The following ARHGEF18 variants were observed in gnomAD, a reference collection of about 807,000 sequenced individuals.
ARHGEF18 encodes Rho/Rac guanine nucleotide exchange factor 18.
Under a neutral mutation model 155.7 loss-of-function variants are expected in ARHGEF18, and 93 were observed. The ratio of observed to expected loss-of-function variants is 0.60; its 90% CI spans 0.50 to 0.71. The LOEUF (loss-of-function observed/expected upper bound fraction) is 0.71. Among genes scored for constraint, ARHGEF18 ranks in the 30% least tolerant of loss-of-function variants. ARHGEF18 has a pLI of 0.00. For synonymous variants in ARHGEF18, 742 were observed against 753.1 expected (o/e 0.99, Z 0.24); for missense variants, 1,593 against 1,816.1 (o/e 0.88, Z 2.23).
rs1251869944 is a variant in ARHGEF18, at chr19:7,468,832, C to T, written c.3488C>T (p.Pro1163Leu). ...LPPDTLAEAQPPSHPPSFNGE... is the reference protein window; with the variant it reads ...LPPDTLAEAQLPSHPPSFNGE... ...CTGCTGTTGTCCCCTCAGGCCCAGC[C>T]CCCAAGCCACCCTCCCAGCTTCAAC... is the stretch of plus-strand genomic sequence containing the variant. Residue 1163 changes from proline (P) to leucine (L), a missense_variant, in exon 27 of 29, where the codon CCC (proline) becomes CTC (leucine). Transcript: ENST00000668164. 6.4e-7 allele frequency: 1 copy of T among 1,554,918 alleles called. No homozygotes were observed. The highest frequency in any genetic ancestry group is 8.7e-7 in the Non-Finnish European group (1 of 1,146,104).
At chr19:7,363,702 TGGAA>T (rs1040110474) in intron 2 of ARHGEF18, among the ~76,000 whole-genome samples, 8 of 141,744 alleles carry the variant, frequency 5.6e-5, no homozygotes, top group Non-Finnish European at 9.3e-5. Context: ...GAAATGTGAG[TGGAA>T]GGAAGGAAGG....
intron 18 of ARHGEF18, among the ~76,000 whole-genome samples, chr19:7,458,162 C>G (rs1391792498): frequency 6.6e-6 from 1 of 151,796 alleles, no homozygotes; most frequent in Non-Finnish European, 1.5e-5. Context: ...CGGCACGTGC[C>G]TATAATCCCA....
At chr19:7,385,981 C>CCTCTCTCT (rs375525387) in intron 10 of ARHGEF18, among the ~76,000 whole-genome samples, 5 of 74,378 alleles carry the variant, frequency 6.7e-5, no homozygotes, top group East Asian at 4.0e-4. Context: ...TCCCTCTCTC[C>CCTCTCTCT]CTCTCTCTCT....
At position 7,461,925 on chromosome 19, in the gene ARHGEF18, C is replaced by T. The variant is rs981349510; in HGVS notation, c.2453-227C>T. ...CCTTGGCTTCCCTAAGTACTGGGAT[C>T]GCAGGCCTGAGCCACCACAGCTAAC... is the stretch of plus-strand genomic sequence containing the variant. On this transcript the variant is annotated intron_variant, in intron 20 of 28. Coordinates refer to ENST00000668164, the MANE Select transcript of ARHGEF18 (RefSeq NM_001367823.1). 3.3e-5 allele frequency among the ~76,000 whole-genome samples: 5 copies of T among 152,098 alleles called. No individual in the cohort carries two copies. The South Asian group carries it at 6.2e-4, about 19-fold the overall frequency.
At chr19:7,396,947 G>A (rs953121408) in intron 10 of ARHGEF18, among the ~76,000 whole-genome samples, 7 of 151,922 alleles carry the variant, frequency 4.6e-5, no homozygotes, top group African/African-American at 1.7e-4. Context: ...CTTTGCATAT[G>A]CGAATGCTCC....
At chr19:7,407,265 A>C (rs1972373572) in intron 10 of ARHGEF18, among the ~76,000 whole-genome samples, 1 of 150,118 alleles carries the variant, frequency 6.7e-6, no homozygotes, top group African/African-American at 2.5e-5. Flanking sequence ...GTCTCTACTA[A>C]AAATGCAAAA....
chr19:7,429,113 C>T (rs73502886), intron 10 of ARHGEF18, among the ~76,000 whole-genome samples: 3 of 107,188 alleles, frequency 2.8e-5, no homozygotes, highest in Non-Finnish European at 3.8e-5. Context: ...GTCGAGGGGC[C>T]GGGGGCTCTG....
intron 10 of ARHGEF18, among the ~76,000 whole-genome samples, chr19:7,409,327 T>TTAA (rs562885176): frequency 2.7e-4 from 31 of 114,680 alleles, no homozygotes; most frequent in African/African-American, 1.0e-3. Flanking sequence ...CCCTGTTTCT[T>TTAA]AAAAAAAAAA....
chr19:7,395,983 C>G lies in ARHGEF18; in HGVS notation c.967+12780C>G, dbSNP rs1383299133. 6.6e-6 allele frequency among the ~76,000 whole-genome samples: 1 copy of G among 152,066 alleles called. No homozygotes were observed. The highest frequency in any genetic ancestry group is 2.4e-5 in the African/African-American group (1 of 41,404). On this transcript the variant is annotated intron_variant, in intron 10 of 28. Coordinates refer to ENST00000668164, the MANE Select transcript of ARHGEF18 (RefSeq NM_001367823.1). This position sits in a 1 kb window ranked among gnomAD's most constrained non-coding sequence, Gnocchi z 5.0. Reference sequence around the variant, plus strand: ...CATAGTACTCAATAGATAGTTTCAACCCTTGACCTCCTCCTTCCCTTCCCG... The same window carrying G: ...CATAGTACTCAATAGATAGTTTCAAGCCTTGACCTCCTCCTTCCCTTCCCG...
chr19:7,391,282 C>CG (rs1416884774), intron 10 of ARHGEF18, among the ~76,000 whole-genome samples: 3 of 151,976 alleles, frequency 2.0e-5, no homozygotes, highest in Non-Finnish European at 4.4e-5. Flanking sequence ...GTGGGACAGA[C>CG]GGAGGAAACA....
chr19:7,441,084 C>T (rs1008030937), intron 11 of ARHGEF18, among the ~76,000 whole-genome samples: 2 of 152,012 alleles, frequency 1.3e-5, no homozygotes, highest in African/African-American at 4.8e-5. Context: ...CTGCAATCCA[C>T]ACCCCGTTAG....
At position 7,444,184 on chromosome 19, in the gene ARHGEF18, T is replaced by C; in HGVS notation, c.1361-20T>C. 6.2e-7 allele frequency: 1 copy of C among 1,607,452 alleles called. No individual in the cohort carries two copies. Among genetic ancestry groups the C allele is most frequent in the Non-Finnish European group, 8.5e-7 (1 of 1,175,582 alleles). ...CCGTGGAGCCAGCATGGCTAAGTCC[T>C]GCCGTCTGTGTCCCTGCAGAGCTGA... On this transcript the variant is annotated intron_variant, in intron 13 of 28. Coordinates refer to ENST00000668164, the MANE Select transcript of ARHGEF18 (RefSeq NM_001367823.1). This position sits in a 1 kb window ranked among gnomAD's most constrained non-coding sequence, Gnocchi z 4.7.
chr19:7,352,995 C>G (rs1487963788), intron 1 of ARHGEF18, among the ~76,000 whole-genome samples: 42 of 151,508 alleles, frequency 2.8e-4, no homozygotes, highest in Non-Finnish European at 2.9e-5. Context: ...CACCACCATG[C>G]CTGGCTAATT....
intron 10 of ARHGEF18, among the ~76,000 whole-genome samples, chr19:7,419,010 G>T (rs1568316572): frequency 6.9e-6 from 1 of 145,866 alleles, no homozygotes; most frequent in African/African-American, 2.7e-5. Context: ...AGGTGCACCC[G>T]CACTCGGCCT....
chr19:7,389,538 A>AT (rs201127521), intron 10 of ARHGEF18, among the ~76,000 whole-genome samples: 1,730 of 109,004 alleles, frequency 0.016, 14 homozygotes, highest in East Asian at 0.029. Context: ...TTATTTACTT[A>AT]TTTTTTTTTT....
At chr19:7,433,997 C>T (rs1434232700) in intron 10 of ARHGEF18, among the ~76,000 whole-genome samples, 43 of 141,228 alleles carry the variant, frequency 3.0e-4, no homozygotes, top group Admixed American at 2.2e-3. Flanking sequence ...CCAACCTGGG[C>T]GACAGAGTGA....
intron 10 of ARHGEF18, among the ~76,000 whole-genome samples, chr19:7,392,240 CAAAAAA>C (rs3997574): frequency 4.2e-5 from 3 of 72,046 alleles, no homozygotes; most frequent in African/African-American, 1.5e-4. Context: ...GACTCCGTCT[CAAAAAA>C]AAAAAAAAAA....
At chr19:7,413,771 A>G (rs923591551) in intron 10 of ARHGEF18, among the ~76,000 whole-genome samples, 1 of 151,950 alleles carries the variant, frequency 6.6e-6, no homozygotes, top group South Asian at 2.1e-4. Context: ...AACAAACAAG[A>G]TGGTCGTGAG....
intron 15 of ARHGEF18, among the ~76,000 whole-genome samples, chr19:7,450,936 G>A (rs111781414): frequency 2.4e-3 from 8 of 3,344 alleles, no homozygotes; most frequent in African/African-American, 0.012. Context: ...CTTGCTGTCC[G>A]TTTCCGAGAT....
Sources: gnomAD v4.1 joint callset for allele counts (sites outside exome capture counted in the v4.1 genomes callset) on GRCh38, gnomAD v4.1.1 for gene constraint, Gnocchi (gnomAD v3.1) non-coding constraint, MANE v1.5 for transcripts, NCBI Gene and HGNC (gene_info 2026-07-23, HGNC 2026-07-21) for gene names.